PALLD: variants seen among roughly 807,000 people sequenced by gnomAD.
The protein encoded by PALLD is palladin, cytoskeletal associated protein.
PALLD carries 61 observed loss-of-function variants against 123.5 expected under a neutral mutation model. That is an observed-to-expected ratio of 0.49 (90% CI 0.40 to 0.61). PALLD has a LOEUF of 0.61. Ranked by LOEUF, PALLD falls within the 20% of genes least tolerant of loss-of-function variation. PALLD has a pLI of 0.00. For missense variants in PALLD, 1,273 were observed against 1,377.0 expected (o/e 0.92, Z 1.20); for synonymous variants, 465 against 496.4 (o/e 0.94, Z 0.84).
intron 2 of PALLD, among the ~76,000 whole-genome samples, chr4:168,612,195 T>G (rs1197145193): frequency 6.6e-6 from 1 of 151,642 alleles, no homozygotes; most frequent in African/African-American, 2.4e-5. Context: ...ACAGACCTCT[T>G]CTAAGTTTCC....
intron 2 of PALLD, among the ~76,000 whole-genome samples, chr4:168,548,894 T>C (rs1766441209): frequency 6.6e-6 from 1 of 152,132 alleles, no homozygotes; most frequent in Non-Finnish European, 1.5e-5. Flanking sequence ...ATACTTGTAA[T>C]CACAATATTT....
At chr4:168,801,522 C>T (rs1187005604) in intron 10 of PALLD, among the ~76,000 whole-genome samples, 1 of 152,206 alleles carries the variant, frequency 6.6e-6, no homozygotes, top group East Asian at 1.9e-4. Flanking sequence ...TCGTGATCTG[C>T]CCGCCTCGGC....
At chr4:168,789,317 G>A (rs191220602) in intron 10 of PALLD, among the ~76,000 whole-genome samples, 10 of 152,272 alleles carry the variant, frequency 6.6e-5, no homozygotes, top group African/African-American at 2.2e-4. Context: ...TGAAGAAAAT[G>A]TTAACCAGTG....
intron 10 of PALLD, among the ~76,000 whole-genome samples, chr4:168,889,138 TTGTGTGTGTGTG>T (rs143065658): frequency 2.3e-5 from 3 of 132,238 alleles, no homozygotes; most frequent in African/African-American, 2.8e-5. Flanking sequence ...TTGCTTTATT[TTGTGTGTGTGTG>T]TGTGTGTGTG....
intron 10 of PALLD, among the ~76,000 whole-genome samples, chr4:168,757,985 C>T (rs1175949152): frequency 2.6e-5 from 4 of 152,298 alleles, no homozygotes; most frequent in Admixed American, 6.5e-5. Flanking sequence ...GCAGGAGAGT[C>T]GCCTGAACCT....
chr4:168,587,758 C>T (rs1223326983), intron 2 of PALLD, among the ~76,000 whole-genome samples: 1 of 152,022 alleles, frequency 6.6e-6, no homozygotes, highest in East Asian at 1.9e-4. Flanking sequence ...TACAGAAATC[C>T]ACAAAACTGA....
intron 10 of PALLD, among the ~76,000 whole-genome samples, chr4:168,794,537 C>T (rs1431970876): frequency 6.6e-6 from 1 of 151,304 alleles, no homozygotes; most frequent in Non-Finnish European, 1.5e-5. Context: ...CACACACACA[C>T]ACCCCTCTGG....
At chr4:168,866,824 A>G (rs1750354251) in intron 10 of PALLD, among the ~76,000 whole-genome samples, 1 of 152,212 alleles carries the variant, frequency 6.6e-6, no homozygotes, top group South Asian at 2.1e-4. Flanking sequence ...TGTGTTCAGG[A>G]CATAGCCCAG....
chr4:168,621,687 A>G (rs1305018437), intron 2 of PALLD, among the ~76,000 whole-genome samples: 1 of 152,182 alleles, frequency 6.6e-6, no homozygotes, highest in African/African-American at 2.4e-5. Context: ...GTAAGTGATG[A>G]AAGGAATTTT....
chr4:168,827,156 C>G (rs1465732845), intron 10 of PALLD, among the ~76,000 whole-genome samples: 1 of 152,142 alleles, frequency 6.6e-6, no homozygotes, highest in Non-Finnish European at 1.5e-5. Context: ...TTTTCCCGAT[C>G]CATTCTCCCT....
intron 2 of PALLD, among the ~76,000 whole-genome samples, chr4:168,576,141 G>T (rs941631708): frequency 1.3e-5 from 2 of 151,980 alleles, no homozygotes; most frequent in Non-Finnish European, 2.9e-5. Flanking sequence ...TTCCTAAGAT[G>T]CACTTTTTAA....
intron 10 of PALLD, among the ~76,000 whole-genome samples, chr4:168,833,734 A>AT (rs112620791): frequency 0.069 from 10,107 of 145,762 alleles, 503 homozygotes; most frequent in South Asian, 0.2. Flanking sequence ...CTTTCTTGCT[A>AT]TTTTTTTTTT....
chr4:168,925,409 T>C, intron 21 of PALLD, 131 bp downstream of exon 21: 1 of 750,956 alleles, frequency 1.3e-6, no homozygotes, highest in East Asian at 2.5e-5. Flanking sequence ...AACCATGTTT[T>C]TCACATGTTC....
Position 168,926,357 on chromosome 4 carries a change from C to T in PALLD, c.*177C>T. 2.6e-6 allele frequency: 4 copies of T among 1,537,318 alleles called. No individual in the cohort carries two copies. The South Asian group carries it at 4.8e-5, about 18-fold the overall frequency. On this transcript the variant is annotated 3_prime_UTR_variant, in exon 22 of 22. Transcript: ENST00000505667. ...AACCCATCTCACCTGACACTGAATACTGCCTTGGTAGAAAGTGAGGACCTG... is the reference window on the plus strand; with the variant it reads ...AACCCATCTCACCTGACACTGAATATTGCCTTGGTAGAAAGTGAGGACCTG...
intron 10 of PALLD, chr4:168,756,361 G>A: frequency 4.5e-6 from 1 of 220,972 alleles, no homozygotes; most frequent in South Asian, 6.8e-5. Context: ...TCTGAAAAAG[G>A]GACAGTTCAG....
At chr4:168,694,389 C>T (rs1315884666) in intron 8 of PALLD, among the ~76,000 whole-genome samples, 1 of 151,924 alleles carries the variant, frequency 6.6e-6, no homozygotes, top group Non-Finnish European at 1.5e-5. Flanking sequence ...CTCTTCCTAC[C>T]CTCTTCCTTT....
chr4:168,922,899 G>A (rs554389250), intron 18 of PALLD, among the ~76,000 whole-genome samples: 1 of 152,274 alleles, frequency 6.6e-6, no homozygotes, highest in East Asian at 1.9e-4. Flanking sequence ...AAAGTCTTTG[G>A]GGTCAGATCT....
chr4:168,919,556 T>G (rs1375635475), intron 17 of PALLD, among the ~76,000 whole-genome samples: 1 of 149,392 alleles, frequency 6.7e-6, no homozygotes, highest in Non-Finnish European at 1.5e-5. Flanking sequence ...CCTTGCCACA[T>G]GTACAGATAG....
chr4:168,877,794 C>T, intron 10 of PALLD: 2 of 1,227,388 alleles, frequency 1.6e-6, no homozygotes, highest in Non-Finnish European at 2.0e-6. Flanking sequence ...CGGCAGCCTC[C>T]GCCAGCCCCG....
Sources: allele counts gnomAD v4.1 joint callset (sites outside exome capture counted in the v4.1 genomes callset), GRCh38; gene constraint gnomAD v4.1.1; transcripts MANE v1.5; gene names NCBI Gene and HGNC (gene_info 2026-07-23, HGNC 2026-07-21).